ALX4: variants seen among roughly 807,000 people sequenced by gnomAD.
ALX4 encodes ALX homeobox 4.
Under a neutral mutation model 40.6 loss-of-function variants are expected in ALX4, and 22 were observed. That is an observed-to-expected ratio of 0.54 (90% CI 0.39 to 0.77). ALX4 has a LOEUF of 0.77. Ranked by LOEUF, ALX4 falls within the 30% of genes least tolerant of loss-of-function variation. The pLI is 0.00. For missense variants in ALX4, 556 were observed against 564.8 expected, an observed-to-expected ratio of 0.98 and a Z score of 0.16; for synonymous variants, 266 against 240.5, an observed-to-expected ratio of 1.11 and a Z score of -0.98.
chr11:44,264,660 G>T lies in ALX4; in HGVS notation c.*194C>A, dbSNP rs1590684950. On this transcript the variant is annotated 3_prime_UTR_variant, in exon 4 of 4. Coordinates refer to ENST00000652299, the MANE Select transcript of ALX4 (RefSeq NM_021926.4). ...GGTCAGGGCCTCAGTGCCAGGGAGG[G>T]GCCAGGGGCCTGCTGCCCCCTCCCT... is the stretch of plus-strand genomic sequence containing the variant. The T allele has an allele frequency of 1.5e-6, 1 of 645,418 alleles. No homozygotes were observed. Among genetic ancestry groups the T allele is most frequent in the East Asian group, 2.8e-5 (1 of 36,266 alleles). The allele number at this position is 645,418 out of a possible 1,614,324, so 40.0% of individuals were successfully genotyped here.
intron 1 of ALX4, among the ~76,000 whole-genome samples, chr11:44,305,842 T>C: frequency 6.6e-6 from 1 of 152,074 alleles, no homozygotes; most frequent in East Asian, 1.9e-4. Context: ...CGCCACCGAA[T>C]CGAAAGCGAA....
rs1327320788 is a variant in ALX4, at chr11:44,264,735, G to T, written c.*119C>A. On this transcript the variant is annotated 3_prime_UTR_variant, in exon 4 of 4. Transcript: ENST00000652299. ...CTTGGGGCGGCTGAAAGTGCTGAGG[G>T]TCAGGCCCCTGGCCCAGGCCAGGTT... 8.4e-7 allele frequency: 1 copy of T among 1,193,522 alleles called. No homozygotes were observed. Among genetic ancestry groups the T allele is most frequent in the Non-Finnish European group, 1.2e-6 (1 of 852,988 alleles). 73.9% of individuals were successfully genotyped at this position (1,193,522 alleles called of 1,614,324 possible). A position where few individuals can be genotyped will look rare whatever the true frequency, so the allele number is the denominator to read the frequency against.
chr11:44,278,538 A>C (rs1956291112), intron 1 of ALX4, among the ~76,000 whole-genome samples: 1 of 152,130 alleles, frequency 6.6e-6, no homozygotes, highest in Admixed American at 6.5e-5. Flanking sequence ...TTGGCCTTTC[A>C]GGGGAAGTGG....
At position 44,264,995 on chromosome 11, in the gene ALX4, G is replaced by A. The variant is rs369085844; in HGVS notation, c.1095C>T (p.Gly365=). 1 of 1,613,114 alleles carries A rather than the reference G, an allele frequency of 6.2e-7. No individual in the cohort carries two copies. Among genetic ancestry groups the A allele is most frequent in the Non-Finnish European group, 8.5e-7 (1 of 1,179,942 alleles). ...TGAGGCTGGCTGCTCCAAACAGGCT[G>A]CCCATGTGCGTCTGGCCCACGTGAC... ...AGSHVGQTHM[G]SLFGAASLSP... is the part of the protein sequence containing the mutation. The change falls in exon 4 of 4, where the codon GGC becomes GGT. Residue 365 remains glycine (G), a synonymous_variant. Transcript: ENST00000652299.
At chr11:44,303,582 C>T (rs529447176) in intron 1 of ALX4, among the ~76,000 whole-genome samples, 8 of 152,346 alleles carry the variant, frequency 5.3e-5, no homozygotes, top group African/African-American at 1.4e-4. Context: ...CTCCTCAGAG[C>T]CTTGCCTCTG....
At position 44,262,012 on chromosome 11, in the gene ALX4, G is replaced by A. The variant is rs562621207; in HGVS notation, c.*2842C>T. ...TGTCTTGGAAGGGACTGGGCCCCAAGGTTCTCTTCTGGAGAACTGAGCTGC... is the reference window on the plus strand; with the variant it reads ...TGTCTTGGAAGGGACTGGGCCCCAAAGTTCTCTTCTGGAGAACTGAGCTGC... On this transcript the variant is annotated 3_prime_UTR_variant, in exon 4 of 4. Transcript: ENST00000652299. 6.6e-6 allele frequency: 1 copy of A among 152,416 alleles called. No individual in the cohort carries two copies. Among genetic ancestry groups the A allele is most frequent in the East Asian group, 1.9e-4 (1 of 5,178 alleles). 9.4% of individuals were successfully genotyped at this position (152,416 alleles called of 1,614,324 possible).
At chr11:44,276,832 G>A (rs1033990773) in intron 1 of ALX4, among the ~76,000 whole-genome samples, 4 of 152,106 alleles carry the variant, frequency 2.6e-5, no homozygotes, top group African/African-American at 4.8e-5. Context: ...TAGGATTCAC[G>A]CCTCTGTGAG....
chr11:44,268,703 G>A (rs561545651), intron 2 of ALX4, among the ~76,000 whole-genome samples: 5 of 152,354 alleles, frequency 3.3e-5, no homozygotes, highest in Non-Finnish European at 5.9e-5. Flanking sequence ...AAGGGGTGAT[G>A]GGGACGGGGT....
chr11:44,271,714 G>A lies in ALX4; in HGVS notation c.777+3634C>T, dbSNP rs554681946. ...TAGGTATAAGTGTGTGTGTGTGCGC[G>A]CGCATGTGTGTGTGCAGAGAACACT... On this transcript the variant is annotated intron_variant, in intron 2 of 3. Coordinates refer to ENST00000652299, the MANE Select transcript of ALX4 (RefSeq NM_021926.4). 1.3e-3 allele frequency among the ~76,000 whole-genome samples: 196 copies of A among 152,252 alleles called. 1 individual carries two copies. The highest frequency in any genetic ancestry group is 3.6e-3 in the African/African-American group (151 of 41,538).
At position 44,295,440 on chromosome 11, in the gene ALX4, G is replaced by A. The variant is rs1329838905; in HGVS notation, c.466+14157C>T. ...AATTATGCCTTAGGGCACATGGCTG[G>A]AAGACCAGGCTCAAGCAGGCCTCTG... is the stretch of plus-strand genomic sequence containing the variant. On this transcript the variant is annotated intron_variant, in intron 1 of 3. Coordinates refer to ENST00000652299, the MANE Select transcript of ALX4 (RefSeq NM_021926.4). 3.9e-5 allele frequency among the ~76,000 whole-genome samples: 6 copies of A among 152,336 alleles called. No homozygotes were observed. The South Asian group carries it at 1.2e-3, about 32-fold the overall frequency.
intron 3 of ALX4, among the ~76,000 whole-genome samples, 192 bp from the exon 4 acceptor site, chr11:44,265,375 A>G (rs1191677308): frequency 1.3e-5 from 2 of 152,108 alleles, no homozygotes; most frequent in African/African-American, 4.8e-5. Flanking sequence ...CTCTGTTCCC[A>G]GGGCCAGGCT....
At position 44,309,723 on chromosome 11, in the gene ALX4, G is replaced by T. The variant is rs1956494889; in HGVS notation, c.340C>A (p.Pro114Thr). The change falls in exon 1 of 4, where the codon CCC (proline) becomes ACC (threonine). Residue 114 changes from proline (P) to threonine (T), a missense_variant. By Grantham distance (38) the Pro-to-Thr change is conservative. Coordinates refer to ENST00000652299, the MANE Select transcript of ALX4 (RefSeq NM_021926.4). ...AGATGCGGTTGCGCGGGCGGCTGGG[G>T]CTGCGGCTGCTGCTGCTGCGGCTGC... ...QPQPQQQQPQ[P>T]QPPAQPHLYL... 1.3e-6 allele frequency: 2 copies of T among 1,561,512 alleles called. No individual in the cohort carries two copies. The highest frequency in any genetic ancestry group is 1.7e-6 in the Non-Finnish European group (2 of 1,154,412).
intron 1 of ALX4, among the ~76,000 whole-genome samples, chr11:44,294,354 G>A (rs1404756590): frequency 6.6e-6 from 1 of 152,228 alleles, no homozygotes; most frequent in Non-Finnish European, 1.5e-5. Flanking sequence ...GATTCTCTGT[G>A]CTCAGCCCTG....
chr11:44,278,418 T>C (rs955893737), intron 1 of ALX4, among the ~76,000 whole-genome samples: 2 of 152,158 alleles, frequency 1.3e-5, no homozygotes, highest in African/African-American at 4.8e-5. Flanking sequence ...AGGGGCCTCA[T>C]ATGACCAAGG....
intron 1 of ALX4, among the ~76,000 whole-genome samples, chr11:44,300,184 G>T (rs185654265): frequency 1.1e-4 from 17 of 151,934 alleles, no homozygotes; most frequent in Admixed American, 2.0e-4. Flanking sequence ...GGGTCCTGAG[G>T]CATCTTGAGG....
Position 44,293,148 on chromosome 11 carries a change from GAAGGAAGGAAGGAAGGAAGGAAGC to G in ALX4, c.466+16425_466+16448del, listed in dbSNP as rs1474220941. On this transcript the variant is annotated intron_variant, in intron 1 of 3. Transcript: ENST00000652299. ...GGAAGGAAGGAAGGAAGGAAGGAAG[GAAGGAAGGAAGGAAGGAAGGAAGC>G]AGGCAGGCAGGGAGGGAGGGAGGGA... Among the ~76,000 whole-genome samples the G allele has an allele frequency of 7.1e-3, 542 of 76,146 alleles. 29 individuals carry two copies. Among genetic ancestry groups the G allele is most frequent in the African/African-American group, 0.019 (353 of 18,470 alleles). The allele number at this position is 76,146 out of a possible 152,430, so 50.0% of individuals were successfully genotyped here. A position where few individuals can be genotyped will look rare whatever the true frequency, so the allele number is the denominator to read the frequency against.
Position 44,264,948 on chromosome 11 carries a change from T to C in ALX4, c.1142A>G (p.Glu381Gly), listed in dbSNP as rs759914813. 1.2e-6 allele frequency: 2 copies of C among 1,613,118 alleles called. No individual in the cohort carries two copies. The highest frequency in any genetic ancestry group is 1.7e-6 in the Non-Finnish European group (2 of 1,179,932). The change falls in exon 4 of 4, where the codon GAG becomes GGG. Residue 381 changes from glutamate to glycine, a missense_variant. Transcript: ENST00000652299. ...ASLSPGLNGY[E>G]LNGEPDRKTS... ...CTTGCGGTCCGGCTCGCCGTTGAGCTCGTAGCCATTGAGGCCTGGGCTGAG... is the reference window on the plus strand; with the variant it reads ...CTTGCGGTCCGGCTCGCCGTTGAGCCCGTAGCCATTGAGGCCTGGGCTGAG...
intron 1 of ALX4, among the ~76,000 whole-genome samples, chr11:44,294,834 ATTTAT>A (rs1391319606): frequency 6.1e-4 from 24 of 39,548 alleles, no homozygotes; most frequent in Admixed American, 3.4e-4. Flanking sequence ...TTACCTATTT[ATTTAT>A]TTATTTATTT....
intron 1 of ALX4, among the ~76,000 whole-genome samples, chr11:44,308,963 T>G (rs1956485844): frequency 6.6e-6 from 1 of 152,344 alleles, no homozygotes; most frequent in East Asian, 1.9e-4. Context: ...CAGACCACAG[T>G]GTCCCCTGGG....
Sources: allele counts gnomAD v4.1 joint callset (sites outside exome capture counted in the v4.1 genomes callset), GRCh38; gene constraint gnomAD v4.1.1; transcripts MANE v1.5; gene names NCBI Gene and HGNC (gene_info 2026-07-23, HGNC 2026-07-21).